LRP5: variants seen among roughly 807,000 people sequenced by gnomAD.
The protein encoded by LRP5 is LDL receptor related protein 5, also known as low-density lipoprotein receptor-related protein 5.
In LRP5, 62 loss-of-function variants were observed where a neutral mutation model predicts 154.1. That is an observed-to-expected ratio of 0.40 (90% CI 0.33 to 0.50). The LOEUF is 0.50. Ranked by LOEUF, LRP5 falls within the 20% of genes least tolerant of loss-of-function variation. LRP5 has a pLI of 0.55. For missense variants in LRP5, 1,915 were observed against 2,336.7 expected, an observed-to-expected ratio of 0.82 and a Z score of 3.72; for synonymous variants, 966 against 1,011.5, an observed-to-expected ratio of 0.96 and a Z score of 0.85.
chr11:68,343,731 C>T (rs1298104895), intron 1 of LRP5, among the ~76,000 whole-genome samples: 2 of 152,130 alleles, frequency 1.3e-5, no homozygotes, highest in African/African-American at 4.8e-5. Context: ...GAAGGCCCCT[C>T]CTGCCCTCAG....
At chr11:68,430,435 G>A (rs879400326) in intron 17 of LRP5, among the ~76,000 whole-genome samples, 1 of 152,232 alleles carries the variant, frequency 6.6e-6, no homozygotes, top group Admixed American at 6.5e-5. Context: ...GCCTCCCAAA[G>A]TGCTGGGATT....
intron 7 of LRP5, among the ~76,000 whole-genome samples, chr11:68,399,953 T>G (rs1237872941): frequency 6.6e-6 from 1 of 152,222 alleles, no homozygotes; most frequent in Non-Finnish European, 1.5e-5. Flanking sequence ...CCTGGGATTC[T>G]GCGATCTGGG....
At chr11:68,328,718 C>T (rs2098601101) in intron 1 of LRP5, among the ~76,000 whole-genome samples, 1 of 152,210 alleles carries the variant, frequency 6.6e-6, no homozygotes, top group Non-Finnish European at 1.5e-5. Context: ...TGTGTGGCCT[C>T]GCAGTAAATG....
rs370275257 is a variant in LRP5, at chr11:68,426,209, G to A, written c.3637+22G>A. On this transcript the variant is annotated intron_variant, in intron 16 of 22. Coordinates refer to ENST00000294304, the MANE Select transcript of LRP5 (RefSeq NM_002335.4). ...TTCTGTACGTGGGGGCTGGCAGTGG[G>A]GTGGGCAGGGTGGCCTCTAAACCCG... is the stretch of plus-strand genomic sequence containing the variant. 45 of 1,600,578 alleles carry A rather than the reference G, an allele frequency of 2.8e-5. No individual in the cohort carries two copies. The African/African-American group carries it at 5.6e-4, about 20-fold the overall frequency.
At chr11:68,417,043 C>G (rs2098662965) in intron 13 of LRP5, among the ~76,000 whole-genome samples, 1 of 152,234 alleles carries the variant, frequency 6.6e-6, no homozygotes, top group Non-Finnish European at 1.5e-5. Context: ...AGCAAAGTGC[C>G]TTTTGCACAT....
Position 68,447,596 on chromosome 11 carries a change from C to A in LRP5, c.4586+1063C>A, listed in dbSNP as rs1310898762. Among the ~76,000 whole-genome samples the A allele has an allele frequency of 6.6e-5, 10 of 152,306 alleles. No homozygotes were observed. In the South Asian group the frequency reaches 2.1e-3, roughly 32 times the overall value. On this transcript the variant is annotated intron_variant, in intron 22 of 22. Coordinates refer to ENST00000294304, the MANE Select transcript of LRP5 (RefSeq NM_002335.4). This position sits in a 1 kb window ranked among gnomAD's most constrained non-coding sequence, Gnocchi z 4.3. ...GGGCAGCCCAGTCTCGCTAGTTCCT[C>A]GTCCCACCTCCTGCCTTTGCTCATG...
chr11:68,369,681 A>T (rs1394654857), intron 5 of LRP5, among the ~76,000 whole-genome samples: 1 of 152,172 alleles, frequency 6.6e-6, no homozygotes, highest in Non-Finnish European at 1.5e-5. Context: ...CTGAGGCAAG[A>T]GAACATGTTG....
intron 1 of LRP5, among the ~76,000 whole-genome samples, chr11:68,331,206 A>G (rs2098602543): frequency 6.6e-6 from 1 of 152,178 alleles, no homozygotes; most frequent in African/African-American, 2.4e-5. Flanking sequence ...AGTCCGGGTA[A>G]GTGGAGTTGT....
chr11:68,410,201 G>A, intron 10 of LRP5, 61 bp downstream of exon 10: 1 of 1,380,846 alleles, frequency 7.2e-7, no homozygotes, highest in Non-Finnish European at 1.0e-6. Flanking sequence ...GTGCGGGGGT[G>A]CCAACTGGGC....
chr11:68,439,018 C>A (rs1224433156), intron 20 of LRP5, among the ~76,000 whole-genome samples: 4 of 152,216 alleles, frequency 2.6e-5, no homozygotes, highest in African/African-American at 9.7e-5. Flanking sequence ...GCTGGGCTCT[C>A]TCCAGAGCTG....
Position 68,357,773 on chromosome 11 carries a change from G to T in LRP5, c.612G>T (p.Leu204=), listed in dbSNP as rs1217582899. The change falls in exon 3 of 23, where the codon CTG becomes CTT. Residue 204 remains leucine (L), a synonymous_variant. Transcript: ENST00000294304. The part of the protein sequence containing the change: ...IYWPNGLTID[L]EEQKLYWADA... The stretch of plus-strand genomic sequence containing the variant: ...GGCCCAATGGACTGACCATCGACCT[G>T]GAGGAGCAGAAGCTCTACTGGGCTG... 3 of 1,613,974 alleles carry T rather than the reference G, an allele frequency of 1.9e-6. No homozygotes were observed. The highest frequency in any genetic ancestry group is 1.7e-6 in the Non-Finnish European group (2 of 1,179,994).
intron 2 of LRP5, among the ~76,000 whole-genome samples, chr11:68,348,905 C>T (rs1011990548): frequency 5.9e-5 from 9 of 151,476 alleles, no homozygotes; most frequent in East Asian, 3.9e-4. Context: ...GATCCCACCA[C>T]TGCACTCCAG....
intron 16 of LRP5, among the ~76,000 whole-genome samples, chr11:68,427,995 A>G (rs2098669804): frequency 1.3e-5 from 2 of 148,470 alleles, no homozygotes; most frequent in South Asian, 4.2e-4. Flanking sequence ...TTATTTATTT[A>G]TTTATTTATT....
upstream of LRP5, among the ~76,000 whole-genome samples, chr11:68,309,332 T>C (rs2098586252): frequency 6.6e-6 from 1 of 151,032 alleles, no homozygotes; most frequent in East Asian, 2.0e-4. Flanking sequence ...TCCTGGGTTC[T>C]AGCAACTCTC....
intron 8 of LRP5, among the ~76,000 whole-genome samples, chr11:68,404,894 C>T (rs1374412441): frequency 3.3e-5 from 5 of 149,456 alleles, no homozygotes; most frequent in African/African-American, 4.9e-5. Flanking sequence ...GGCGTGAACC[C>T]GGGAAGCGGA....
intron 1 of LRP5, among the ~76,000 whole-genome samples, chr11:68,320,555 G>A (rs1591170573): frequency 6.6e-6 from 1 of 150,444 alleles, no homozygotes; most frequent in Non-Finnish European, 1.5e-5. Flanking sequence ...TCTGCCTCCC[G>A]GGTTCCAGCT....
intron 5 of LRP5, among the ~76,000 whole-genome samples, chr11:68,368,487 A>T: frequency 6.6e-6 from 1 of 152,246 alleles, no homozygotes; most frequent in East Asian, 1.9e-4. Flanking sequence ...CTGTGTAGTC[A>T]TATGAGGTGA....
intron 2 of LRP5, among the ~76,000 whole-genome samples, chr11:68,354,032 A>T (rs1422032872): frequency 1.3e-5 from 2 of 152,158 alleles, no homozygotes; most frequent in East Asian, 3.9e-4. Context: ...GCATGGGAGG[A>T]GTCCCCGGCC....
chr11:68,389,400 G>A (rs1212440204), intron 6 of LRP5, among the ~76,000 whole-genome samples: 1 of 146,000 alleles, frequency 6.8e-6, no homozygotes, highest in Non-Finnish European at 1.5e-5. Flanking sequence ...ACCAACACCA[G>A]CATCTACCAA....
Sources: allele counts gnomAD v4.1 joint callset (sites outside exome capture counted in the v4.1 genomes callset), GRCh38; gene constraint gnomAD v4.1.1; non-coding constraint Gnocchi (gnomAD v3.1); transcripts MANE v1.5; gene names NCBI Gene and HGNC (gene_info 2026-07-23, HGNC 2026-07-21).